The following RNF217 variants were observed in gnomAD, a reference collection of about 807,000 sequenced individuals.
The protein encoded by RNF217 is ring finger protein 217.
A neutral mutation model predicts 57.8 loss-of-function variants in RNF217; 31 were observed. The ratio of observed to expected loss-of-function variants is 0.54; its 90% CI spans 0.40 to 0.72. The LOEUF (loss-of-function observed/expected upper bound fraction) is 0.72. Ranked by LOEUF, RNF217 falls within the 30% of genes least tolerant of loss-of-function variation. The pLI, the probability that RNF217 is intolerant of heterozygous loss-of-function variation, is 0.00. For missense variants in RNF217, 696 were observed against 708.3 expected (o/e 0.98, Z 0.20); for synonymous variants, 313 against 294.0 (o/e 1.06, Z -0.66).
At chr6:125,069,901 G>A (rs955225928) in intron 3 of RNF217, among the ~76,000 whole-genome samples, 4 of 151,950 alleles carry the variant, frequency 2.6e-5, no homozygotes, top group Admixed American at 6.6e-5. Flanking sequence ...TTGGTTTTTG[G>A]TTACATGGGT....
chr6:125,064,498 T>C (rs1787862309), intron 3 of RNF217, among the ~76,000 whole-genome samples: 1 of 152,180 alleles, frequency 6.6e-6, no homozygotes, highest in African/African-American at 2.4e-5. Context: ...AAAATCAATA[T>C]GTTGTCTTAG....
Position 125,086,579 on chromosome 6 carries a change from G to C in RNF217, c.*3642G>C, listed in dbSNP as rs559478544. The C allele has an allele frequency of 6.6e-6, 1 of 152,016 alleles. No individual in the cohort carries two copies. Among genetic ancestry groups the C allele is most frequent in the Non-Finnish European group, 1.5e-5 (1 of 67,962 alleles). 9.4% of individuals were successfully genotyped at this position (152,016 alleles called of 1,614,324 possible). ...CAGCAATTCCCAGAAAAATACATTA[G>C]ATTATGTACGATTTAGTGATTTGGT... is the stretch of plus-strand genomic sequence containing the variant. On this transcript the variant is annotated 3_prime_UTR_variant, in exon 6 of 6. Transcript: ENST00000521654.
At chr6:125,010,477 C>G (rs756822381) in intron 1 of RNF217, among the ~76,000 whole-genome samples, 54 of 152,104 alleles carry the variant, frequency 3.6e-4, no homozygotes, top group Non-Finnish European at 1.3e-4. Context: ...CTCAAAGGAG[C>G]ATTGTGTTTG....
chr6:124,989,399 T>C (rs1784472110), intron 1 of RNF217, among the ~76,000 whole-genome samples: 1 of 152,170 alleles, frequency 6.6e-6, no homozygotes, highest in Non-Finnish European at 1.5e-5. Flanking sequence ...GCAATAGTAA[T>C]GAGAAAAGTA....
At chr6:125,008,210 GGAAC>G (rs1785266688) in intron 1 of RNF217, among the ~76,000 whole-genome samples, 1 of 151,778 alleles carries the variant, frequency 6.6e-6, no homozygotes, top group Non-Finnish European at 1.5e-5. Context: ...GAGCTGAGAT[GGAAC>G]CACTGCACTC....
chr6:125,069,326 C>G (rs1788053922), intron 3 of RNF217, among the ~76,000 whole-genome samples: 1 of 152,068 alleles, frequency 6.6e-6, no homozygotes, highest in South Asian at 2.1e-4. Flanking sequence ...GCAGCTGTTT[C>G]TTATTCATTT....
chr6:125,018,283 T>C (rs1785688816), intron 1 of RNF217, among the ~76,000 whole-genome samples: 1 of 152,196 alleles, frequency 6.6e-6, no homozygotes, highest in Non-Finnish European at 1.5e-5. Context: ...TTATCTTTAT[T>C]TTTATAAGAT....
intron 2 of RNF217, among the ~76,000 whole-genome samples, chr6:125,049,618 G>A (rs996437780): frequency 4.6e-5 from 7 of 151,744 alleles, no homozygotes; most frequent in Non-Finnish European, 1.0e-4. Flanking sequence ...TATGTCATAA[G>A]AATGTAGTAA....
At position 125,081,515 on chromosome 6, in the gene RNF217, A is replaced by G. The variant is rs765137740; in HGVS notation, c.1555+8A>G. Reference sequence around the variant, plus strand: ...CCATAGCGGTTGTAATCGGTAAGAAACACTTCATGCATCTGAGATTAGAAT... The same window carrying G: ...CCATAGCGGTTGTAATCGGTAAGAAGCACTTCATGCATCTGAGATTAGAAT... On this transcript the variant is annotated splice_region_variant and intron_variant, in intron 5 of 5. Transcript: ENST00000521654. The G allele has an allele frequency of 3.1e-6, 5 of 1,602,508 alleles. No homozygotes were observed. The African/African-American group carries it at 6.7e-5, about 21-fold the overall frequency.
Position 125,091,763 on chromosome 6 carries a change from T to A in RNF217, c.*8826T>A, listed in dbSNP as rs1476926296. On this transcript the variant is annotated 3_prime_UTR_variant, in exon 6 of 6. Transcript: ENST00000521654. ...GTTCCTTACAACTTATTCTTGGCAA[T>A]ATTTTGTCAGTAATATACTTTCATA... The A allele has an allele frequency of 6.6e-6, 1 of 152,178 alleles. No individual in the cohort carries two copies. The highest frequency in any genetic ancestry group is 2.4e-5 in the African/African-American group (1 of 41,460). The allele number at this position is 152,178 out of a possible 1,614,324, so 9.4% of individuals were successfully genotyped here. A position where few individuals can be genotyped will look rare whatever the true frequency, so the allele number is the denominator to read the frequency against.
At chr6:124,967,804 A>C (rs1290343181) in intron 1 of RNF217, among the ~76,000 whole-genome samples, 1 of 151,936 alleles carries the variant, frequency 6.6e-6, no homozygotes, top group Admixed American at 6.6e-5. Context: ...CTTTGAGAGA[A>C]TCTCCCTCTT....
chr6:125,082,861 T>C lies in RNF217; in HGVS notation c.1556-3T>C. The C allele has an allele frequency of 6.3e-7, 1 of 1,595,936 alleles. No individual in the cohort carries two copies. Among genetic ancestry groups the C allele is most frequent in the South Asian group, 1.1e-5 (1 of 88,464 alleles). On this transcript the variant is annotated splice_region_variant and splice_polypyrimidine_tract_variant and intron_variant, in intron 5 of 5. Coordinates refer to ENST00000521654, the MANE Select transcript of RNF217 (RefSeq NM_001286398.3). ...ACTAACTTTAATTTTTTCTTATCCC[T>C]AGGTTTATTTGTATTTCCTATCTAT...
intron 3 of RNF217, among the ~76,000 whole-genome samples, chr6:125,059,231 A>C (rs547228450): frequency 6.6e-6 from 1 of 152,324 alleles, no homozygotes; most frequent in Non-Finnish European, 1.5e-5. Flanking sequence ...TTCTAATAGA[A>C]GTGATGTCTA....
At chr6:125,046,610 A>C (rs1222851374) in intron 2 of RNF217, 1 of 455,784 alleles carries the variant, frequency 2.2e-6, no homozygotes, top group Non-Finnish European at 4.4e-6. Flanking sequence ...ATTACAGCAA[A>C]ATGGCAGGAT....
At chr6:125,045,544 T>C (rs759853271) in intron 2 of RNF217, 100 bp downstream of exon 2, 40 of 811,510 alleles carry the variant, frequency 4.9e-5, no homozygotes, top group Non-Finnish European at 7.7e-5. Context: ...CTTTCCTTTA[T>C]GGAGCTGAAG....
At chr6:124,976,270 C>T (rs1204949124) in intron 1 of RNF217, among the ~76,000 whole-genome samples, 1 of 115,932 alleles carries the variant, frequency 8.6e-6, no homozygotes, top group African/African-American at 3.1e-5. Context: ...TCCCTCCCTC[C>T]CTCCCGCTCT....
chr6:125,053,115 T>G (rs1170923707), intron 2 of RNF217, among the ~76,000 whole-genome samples: 1 of 152,106 alleles, frequency 6.6e-6, no homozygotes, highest in Non-Finnish European at 1.5e-5. Context: ...CCCTGTAACA[T>G]TCTACTCATT....
chr6:125,066,265 G>T (rs899867770), intron 3 of RNF217, among the ~76,000 whole-genome samples: 5 of 152,052 alleles, frequency 3.3e-5, no homozygotes, highest in African/African-American at 9.7e-5. Flanking sequence ...TAAACATAAC[G>T]CAGATTACAT....
intron 1 of RNF217, among the ~76,000 whole-genome samples, chr6:125,035,201 C>T (rs1026296995): frequency 1.3e-5 from 2 of 152,014 alleles, no homozygotes; most frequent in Non-Finnish European, 2.9e-5. Flanking sequence ...CCTTCTCCTG[C>T]CTAATTGCCC....
Sources: gnomAD v4.1 joint callset for allele counts (sites outside exome capture counted in the v4.1 genomes callset) on GRCh38, gnomAD v4.1.1 for gene constraint, MANE v1.5 for transcripts, NCBI Gene and HGNC (gene_info 2026-07-23, HGNC 2026-07-21) for gene names.